The following IGLL5 variants were observed in gnomAD, a reference collection of about 807,000 sequenced individuals.
The protein encoded by IGLL5 is immunoglobulin lambda like polypeptide 5, also known as immunoglobulin lambda-like polypeptide 5.
IGLL5 carries 30 observed loss-of-function variants against 20.9 expected under a neutral mutation model. The ratio of observed to expected loss-of-function variants is 1.44; its 90% CI spans 1.07 to 1.95. IGLL5 has a LOEUF of 1.95. Among genes scored for constraint, IGLL5 ranks in the 30% most tolerant of loss-of-function variants. The probability of loss-of-function intolerance (pLI) is 0.00; values close to 1 mark genes in which losing one functional copy is unlikely to be tolerated. For synonymous variants in IGLL5, 203 were observed against 117.3 expected, an observed-to-expected ratio of 1.73 and a Z score of -4.72; for missense variants, 475 against 270.7, an observed-to-expected ratio of 1.75 and a Z score of -5.30.
At chr22:22,888,815 A>C (rs564762216) in intron 1 of IGLL5, among the ~76,000 whole-genome samples, 1 of 151,390 alleles carries the variant, frequency 6.6e-6, no homozygotes, top group Admixed American at 6.6e-5. Context: ...GGAGCTGTCC[A>C]GTCATTGGAA....
intron 1 of IGLL5, among the ~76,000 whole-genome samples, chr22:22,890,120 T>C (rs886265375): frequency 8.0e-5 from 12 of 149,562 alleles, no homozygotes; most frequent in African/African-American, 2.7e-4. Context: ...GTAATGAGTA[T>C]ATTACAAAAT....
At chr22:22,888,618 A>G (rs530312256) in intron 1 of IGLL5, among the ~76,000 whole-genome samples, 3 of 151,286 alleles carry the variant, frequency 2.0e-5, no homozygotes, top group South Asian at 4.2e-4. Context: ...CAGGGTGCCC[A>G]GGCCTGTTCC....
rs184552722 is a variant in IGLL5 at position 22,887,957 on chromosome 22, A to G, written c.-97A>G. 9 of 950,330 alleles carry G rather than the reference A, an allele frequency of 9.5e-6. 1 individual carries two copies. The highest frequency in any genetic ancestry group is 4.0e-5 in the Admixed American group (2 of 49,998). The allele number at this position is 950,330 out of a possible 1,614,324, so 58.9% of individuals were successfully genotyped here. A position where few individuals can be genotyped will look rare whatever the true frequency, so the allele number is the denominator to read the frequency against. On this transcript the variant is annotated 5_prime_UTR_variant, in exon 1 of 3. Coordinates refer to ENST00000526893, the MANE Select transcript of IGLL5 (RefSeq NM_001178126.2). ...GGACAGAGCCAATGGACTGGGGTGT[A>G]CTGTAACAGCCCTGCTGGCGAGAGG... is the stretch of plus-strand genomic sequence containing the variant.
In IGLL5 at chr22:22,888,191, A is replaced by G. The variant is rs554492007; in HGVS notation, c.138A>G (p.Gln46=). ...HGLLRPMVAP[Q]SGDPDPGASV... Reference sequence around the variant, plus strand: ...TGCTGCGCCCAATGGTTGCACCGCAAAGCGGGGACCCAGACCCTGGAGCCT... The same window carrying G: ...TGCTGCGCCCAATGGTTGCACCGCAGAGCGGGGACCCAGACCCTGGAGCCT... Residue 46 remains glutamine (Q), a synonymous_variant, in exon 1 of 3, where the codon CAA becomes CAG. Transcript: ENST00000526893. The G allele has an allele frequency of 7.7e-6, 12 of 1,548,766 alleles. No individual in the cohort carries two copies. Among genetic ancestry groups the G allele is most frequent in the Admixed American group, 3.9e-5 (2 of 50,796 alleles).
chr22:22,894,370 C>T (rs1348160865), intron 2 of IGLL5, among the ~76,000 whole-genome samples: 3 of 151,458 alleles, frequency 2.0e-5, no homozygotes, highest in Admixed American at 6.6e-5. Flanking sequence ...GGCTGCAGCT[C>T]TGTGGCCTGT....
In IGLL5 at chr22:22,894,158, T is replaced by G. The variant is rs2067990361; in HGVS notation, c.325+340T>G. The stretch of plus-strand genomic sequence containing the variant: ...GTCCTTAGGGACATTGCCCAGTGAC[T>G]CCTGGGGTCAAGGACAGAGGCTGCT... On this transcript the variant is annotated intron_variant, in intron 2 of 2. Transcript: ENST00000526893. Among the ~76,000 whole-genome samples, 2 of 151,488 alleles carry G rather than the reference T, an allele frequency of 1.3e-5. 1 individual carries two copies. The highest frequency in any genetic ancestry group is 4.8e-5 in the African/African-American group (2 of 41,366).
At position 22,895,867 on chromosome 22, in the gene IGLL5, A is replaced by G; in HGVS notation, c.*173A>G. ...TTATCTCATTTTTTTTCTCACATAA[A>G]TTGCTAGCCTCCCCGGGGTTCTCAG... is the stretch of plus-strand genomic sequence containing the variant. On this transcript the variant is annotated 3_prime_UTR_variant, in exon 3 of 3. Coordinates refer to ENST00000526893, the MANE Select transcript of IGLL5 (RefSeq NM_001178126.2). The G allele has an allele frequency of 1.4e-6, 1 of 704,780 alleles. No individual in the cohort carries two copies. Among genetic ancestry groups the G allele is most frequent in the South Asian group, 1.8e-5 (1 of 55,080 alleles). The allele number at this position is 704,780 out of a possible 1,614,324, so 43.7% of individuals were successfully genotyped here.
rs189339835 is a variant in IGLL5, at chr22:22,895,268, G to A, written c.326-107G>A. 4.5e-3 allele frequency: 4,620 copies of A among 1,016,282 alleles called. 70 individuals are homozygous for A. The highest frequency in any genetic ancestry group is 0.03 in the South Asian group (2,045 of 69,020). 63.0% of individuals were successfully genotyped at this position (1,016,282 alleles called of 1,614,324 possible). On this transcript the variant is annotated intron_variant, in intron 2 of 2. Transcript: ENST00000526893. The stretch of plus-strand genomic sequence containing the variant: ...AAGAGGAGAGAACCCCGGGTGGACC[G>A]GATGGCCACACTGTGAACCCTCCCA...
chr22:22,888,770 G>A (rs181160297), intron 1 of IGLL5, among the ~76,000 whole-genome samples: 2 of 151,388 alleles, frequency 1.3e-5, no homozygotes, highest in Admixed American at 6.6e-5. Flanking sequence ...CTGGGGCCAG[G>A]CTCAAGGACA....
chr22:22,893,167 GACAA>G lies in IGLL5; in HGVS notation c.207-529_207-526del, dbSNP rs372990716. On this transcript the variant is annotated intron_variant, in intron 1 of 2. Transcript: ENST00000526893. ...TGGATGGAAGGATGATAGATTGATGGACAAACAGATGAACAGATGAATAGCTGGA... is the reference window on the plus strand; with the variant it reads ...TGGATGGAAGGATGATAGATTGATGGACAGATGAACAGATGAATAGCTGGA... 1.8e-3 allele frequency among the ~76,000 whole-genome samples: 279 copies of G among 151,226 alleles called. 1 individual carries two copies. The highest frequency in any genetic ancestry group is 6.5e-3 in the African/African-American group (268 of 41,266).
chr22:22,894,271 A>AATT (rs2068009251), intron 2 of IGLL5, among the ~76,000 whole-genome samples: 1 of 150,650 alleles, frequency 6.6e-6, no homozygotes, highest in Admixed American at 6.6e-5. Context: ...CTGGATGCCA[A>AATT]TCCAGCCTGG....
At chr22:22,894,587 C>G (rs2066671282) in intron 2 of IGLL5, among the ~76,000 whole-genome samples, 1 of 151,448 alleles carries the variant, frequency 6.6e-6, no homozygotes, top group Middle Eastern at 3.8e-3. Context: ...ATGTTAGACT[C>G]AGGAAATGAC....
At chr22:22,890,113 A>T (rs2067776523) in intron 1 of IGLL5, among the ~76,000 whole-genome samples, 1 of 150,308 alleles carries the variant, frequency 6.7e-6, no homozygotes, top group Admixed American at 6.7e-5. Flanking sequence ...TCTTTTTGTA[A>T]TGAGTATATT....
chr22:22,889,918 A>T (rs572004604), intron 1 of IGLL5, among the ~76,000 whole-genome samples: 1 of 151,210 alleles, frequency 6.6e-6, no homozygotes, highest in Admixed American at 6.6e-5. Context: ...TAAAGTATAT[A>T]TGCATTTTCA....
At position 22,892,284 on chromosome 22, in the gene IGLL5, T is replaced by C. The variant is rs1192173953; in HGVS notation, c.207-1416T>C. ...AAAAATCTTCTGCACATGTCTTAAA[T>C]ACAAATGTATTAAATACAAGCTGCT... On this transcript the variant is annotated intron_variant, in intron 1 of 2. Transcript: ENST00000526893. 2.0e-5 allele frequency among the ~76,000 whole-genome samples: 3 copies of C among 151,224 alleles called. No individual in the cohort carries two copies. In the East Asian group the frequency reaches 6.1e-4, roughly 31 times the overall value.
Position 22,888,005 on chromosome 22 carries a change from GAGCCCATGCTGC to G in IGLL5, c.-47_-36del. 2.1e-6 allele frequency: 3 copies of G among 1,450,368 alleles called. No homozygotes were observed. Among genetic ancestry groups the G allele is most frequent in the Non-Finnish European group, 1.9e-6 (2 of 1,056,590 alleles). 89.8% of individuals were successfully genotyped at this position (1,450,368 alleles called of 1,614,324 possible). The stretch of plus-strand genomic sequence containing the variant: ...AGGGACCAGGGCACCGTCCTCCAGG[GAGCCCATGCTGC>G]AAGTCGGGCCAGAGGTGCCCCTGAA... On this transcript the variant is annotated 5_prime_UTR_variant, in exon 1 of 3. It removes an upstream start codon present in the reference 5' UTR. Transcript: ENST00000526893.
chr22:22,890,556 TGTGTGTG>T (rs2067807310), intron 1 of IGLL5, among the ~76,000 whole-genome samples: 2 of 32,854 alleles, frequency 6.1e-5, no homozygotes, highest in East Asian at 7.4e-3. Flanking sequence ...TGGAAATTTG[TGTGTGTG>T]TGTGTGTGTG....
chr22:22,888,207 C>G lies in IGLL5; in HGVS notation c.154C>G (p.Pro52Ala), dbSNP rs1312597802. 1.3e-6 allele frequency: 2 copies of G among 1,548,616 alleles called. No individual in the cohort carries two copies. Among genetic ancestry groups the G allele is most frequent in the Admixed American group, 2.0e-5 (1 of 50,798 alleles). ...TGCACCGCAAAGCGGGGACCCAGAC[C>G]CTGGAGCCTCAGTTGGAAGCAGCCG... The part of the protein sequence containing the change: ...MVAPQSGDPD[P>A]GASVGSSRSS... Residue 52 changes from proline to alanine, a missense_variant, in exon 1 of 3, where the codon CCT (proline) becomes GCT (alanine). Physicochemically the swap from Pro to Ala is conservative, Grantham distance 27 (BLOSUM62 -1). Transcript: ENST00000526893.
intron 1 of IGLL5, 146 bp downstream of exon 1, chr22:22,888,405 A>C (rs2067592905): frequency 6.2e-6 from 4 of 650,192 alleles, no homozygotes; most frequent in African/African-American, 3.7e-5. Context: ...TAATGGGTTG[A>C]TATTTTGTCC....
Sources: gnomAD v4.1 joint callset for allele counts (sites outside exome capture counted in the v4.1 genomes callset) on GRCh38, gnomAD v4.1.1 for gene constraint, MANE v1.5 for transcripts, NCBI Gene and HGNC (gene_info 2026-07-23, HGNC 2026-07-21) for gene names.